The following MDGA2 variants were observed in gnomAD, a reference collection of about 807,000 sequenced individuals.
The protein encoded by MDGA2 is MAM domain containing glycosylphosphatidylinositol anchor 2.
In MDGA2, 40 loss-of-function variants were observed where a neutral mutation model predicts 117.8. The observed-to-expected ratio is 0.34, with a 90% CI of 0.26 to 0.44. The LOEUF is 0.44. Ranked by LOEUF, MDGA2 falls within the 20% of genes least tolerant of loss-of-function variation. The pLI is 1.00. For missense variants in MDGA2, 1,123 were observed against 1,250.6 expected (o/e 0.90, Z 1.54); for synonymous variants, 452 against 439.0 (o/e 1.03, Z -0.37).
At chr14:47,215,441 G>A (rs1886050972) in intron 3 of MDGA2, among the ~76,000 whole-genome samples, 1 of 151,934 alleles carries the variant, frequency 6.6e-6, no homozygotes, top group Non-Finnish European at 1.5e-5. Flanking sequence ...TTAAATTATA[G>A]AAACTCAGGT....
intron 3 of MDGA2, among the ~76,000 whole-genome samples, chr14:47,180,349 G>C (rs768882557): frequency 6.6e-6 from 1 of 152,106 alleles, no homozygotes; most frequent in Non-Finnish European, 1.5e-5. Context: ...ATTGACAAAT[G>C]GGATTTCATT....
At chr14:47,062,357 G>A (rs985733497) in intron 6 of MDGA2, among the ~76,000 whole-genome samples, 3 of 152,120 alleles carry the variant, frequency 2.0e-5, no homozygotes, top group Non-Finnish European at 4.4e-5. Context: ...CAAGAGGTCA[G>A]TAGTAATGAC....
intron 1 of MDGA2, among the ~76,000 whole-genome samples, chr14:47,384,244 C>T (rs7151876): frequency 0.24 from 36,033 of 149,564 alleles, 4,818 homozygotes; most frequent in East Asian, 0.55. Context: ...TTGATGGAGG[C>T]AAAGGGACTG....
intron 2 of MDGA2, among the ~76,000 whole-genome samples, chr14:47,276,160 A>G (rs1888305824): frequency 6.6e-6 from 1 of 152,124 alleles, no homozygotes. Flanking sequence ...CCAGCTATTC[A>G]TCTCTTAATT....
At chr14:47,236,605 T>C (rs533382308) in intron 2 of MDGA2, among the ~76,000 whole-genome samples, 2 of 152,302 alleles carry the variant, frequency 1.3e-5, no homozygotes, top group Admixed American at 6.5e-5. Context: ...TGGGCAAAGA[T>C]AGATGAAGCA....
intron 1 of MDGA2, among the ~76,000 whole-genome samples, chr14:47,481,617 G>A (rs190076417): frequency 6.6e-6 from 1 of 151,978 alleles, no homozygotes; most frequent in African/African-American, 2.4e-5. Flanking sequence ...TGACCAAATG[G>A]CTCAAGGACT....
chr14:47,409,908 A>G (rs1490776610), intron 1 of MDGA2, among the ~76,000 whole-genome samples: 2 of 152,226 alleles, frequency 1.3e-5, no homozygotes, highest in Non-Finnish European at 2.9e-5. Context: ...CAGTGACACC[A>G]TGTTCACATA....
intron 1 of MDGA2, among the ~76,000 whole-genome samples, chr14:47,576,380 G>C (rs576273085): frequency 1.3e-5 from 2 of 152,252 alleles, no homozygotes; most frequent in East Asian, 3.9e-4. Context: ...ACTAAAAATA[G>C]AGAGATTCCT....
chr14:47,652,731 A>C (rs1218471139), intron 1 of MDGA2, among the ~76,000 whole-genome samples: 3 of 152,168 alleles, frequency 2.0e-5, no homozygotes, highest in African/African-American at 7.2e-5. Context: ...TAATTTTTAA[A>C]ATTGCAAAGA....
chr14:46,916,650 A>G (rs568517413), intron 10 of MDGA2, among the ~76,000 whole-genome samples: 32 of 152,212 alleles, frequency 2.1e-4, no homozygotes, highest in Admixed American at 1.5e-3. Context: ...TAGTTTTGAA[A>G]AAAAGAGGCG....
intron 1 of MDGA2, among the ~76,000 whole-genome samples, chr14:47,486,114 G>A (rs1425946664): frequency 6.6e-6 from 1 of 152,194 alleles, no homozygotes; most frequent in Admixed American, 6.5e-5. Context: ...ACACTCAATG[G>A]CGGTCTGTGA....
At chr14:46,988,211 T>G (rs982382493) in intron 8 of MDGA2, among the ~76,000 whole-genome samples, 2 of 151,940 alleles carry the variant, frequency 1.3e-5, no homozygotes, top group African/African-American at 4.8e-5. Context: ...AGAATCATGC[T>G]GATTATTCCA....
At chr14:46,845,379 G>A (rs1376143006) in intron 16 of MDGA2, among the ~76,000 whole-genome samples, 2 of 152,170 alleles carry the variant, frequency 1.3e-5, no homozygotes, top group Non-Finnish European at 2.9e-5. Context: ...GTTCTTTATA[G>A]CAGTATGAAG....
chr14:47,475,986 A>G (rs901454715), intron 1 of MDGA2, among the ~76,000 whole-genome samples: 2 of 152,246 alleles, frequency 1.3e-5, no homozygotes, highest in Non-Finnish European at 2.9e-5. Flanking sequence ...CATCCTGCAC[A>G]TGTACCCTGG....
intron 10 of MDGA2, among the ~76,000 whole-genome samples, chr14:46,883,981 G>A (rs1351305490): frequency 1.3e-5 from 2 of 151,714 alleles, no homozygotes; most frequent in Non-Finnish European, 2.9e-5. Context: ...TTTTTCATGG[G>A]GCTTTTCTCC....
rs116653080 is a variant in MDGA2, at chr14:47,432,939, T to C, written c.281-131389A>G. Reference sequence around the variant, plus strand: ...AATATAATTTCATTGATTCCTTTCCTATTTATTGAATACCTACCATGTGCC... The same window carrying C: ...AATATAATTTCATTGATTCCTTTCCCATTTATTGAATACCTACCATGTGCC... On this transcript the variant is annotated intron_variant, in intron 1 of 16. Transcript: ENST00000399232. 7.0e-3 allele frequency among the ~76,000 whole-genome samples: 1,066 copies of C among 152,132 alleles called. 12 individuals carry two copies. Among genetic ancestry groups the C allele is most frequent in the African/African-American group, 0.025 (1,018 of 41,532 alleles).
intron 5 of MDGA2, among the ~76,000 whole-genome samples, chr14:47,122,136 G>C (rs779122279): frequency 2.6e-5 from 4 of 151,890 alleles, no homozygotes; most frequent in Admixed American, 6.6e-5. Context: ...ATTTTATTGT[G>C]AGCATTCTAT....
chr14:46,928,351 C>T (rs1884410519), intron 9 of MDGA2, among the ~76,000 whole-genome samples: 1 of 152,084 alleles, frequency 6.6e-6, no homozygotes, highest in Non-Finnish European at 1.5e-5. Flanking sequence ...TGGGAACAAG[C>T]TTTATGGAAT....
intron 8 of MDGA2, among the ~76,000 whole-genome samples, chr14:47,020,265 A>G (rs1207351462): frequency 6.6e-6 from 1 of 152,232 alleles, no homozygotes; most frequent in African/African-American, 2.4e-5. Flanking sequence ...TCTACATTTG[A>G]GAATTGTAAG....
Sources: allele counts gnomAD v4.1 joint callset (sites outside exome capture counted in the v4.1 genomes callset), GRCh38; gene constraint gnomAD v4.1.1; transcripts MANE v1.5; gene names NCBI Gene and HGNC (gene_info 2026-07-23, HGNC 2026-07-21).